RASA3: variants seen among roughly 807,000 people sequenced by gnomAD.
The protein encoded by RASA3 is RAS p21 protein activator 3, also known as ras GTPase-activating protein 3.
A neutral mutation model predicts 110.0 loss-of-function variants in RASA3; 73 were observed. The observed-to-expected ratio is 0.66, with a 90% CI of 0.55 to 0.81. RASA3 has a LOEUF of 0.81. Ranked by LOEUF, RASA3 falls within the 30% of genes least tolerant of loss-of-function variation. The pLI is 0.00. For synonymous variants in RASA3, 500 were observed against 451.4 expected, an observed-to-expected ratio of 1.11 and a Z score of -1.37; for missense variants, 976 against 1,113.2, an observed-to-expected ratio of 0.88 and a Z score of 1.75.
intron 1 of RASA3, among the ~76,000 whole-genome samples, chr13:114,127,609 C>T (rs759516587): frequency 2.0e-5 from 3 of 152,196 alleles, no homozygotes; most frequent in Non-Finnish European, 2.9e-5. Flanking sequence ...AGAGAAGAAA[C>T]AGCTCTCCAA....
Position 113,980,134 on chromosome 13 carries a change from TACCTCCTGCCACGTGTGTGCAC to T in RASA3, c.2430-734_2430-713del, listed in dbSNP as rs1328530620. On this transcript the variant is annotated intron_variant, in intron 23 of 23. Transcript: ENST00000334062. ...CGCATGTGTGCACCTCCTCTGTGTGTACCTCCTGCCACGTGTGTGCACACCTCCTCCCACGTGTGTGCACCTC... is the reference window on the plus strand; with the variant it reads ...CGCATGTGTGCACCTCCTCTGTGTGTACCTCCTCCCACGTGTGTGCACCTC... Among the ~76,000 whole-genome samples the T allele has an allele frequency of 7.7e-3, 1,040 of 134,466 alleles. 15 individuals carry two copies. Among genetic ancestry groups the T allele is most frequent in the African/African-American group, 0.028 (971 of 34,496 alleles). 88.2% of individuals were successfully genotyped at this position (134,466 alleles called of 152,430 possible).
chr13:114,001,801 C>T (rs2053410577), intron 18 of RASA3, among the ~76,000 whole-genome samples: 2 of 152,204 alleles, frequency 1.3e-5, no homozygotes, highest in African/African-American at 2.4e-5. Context: ...AGGCAGCAGA[C>T]GCCCACAAAA....
chr13:113,991,885 C>T (rs867438), intron 22 of RASA3, among the ~76,000 whole-genome samples: 32,589 of 152,190 alleles, frequency 0.21, 3,585 homozygotes, highest in South Asian at 0.32. Flanking sequence ...TGTCCCCACA[C>T]ACACATGCTC....
rs1326742251 is a variant in RASA3, at chr13:114,018,164, T to C, written c.1031A>G (p.His344Arg). The change falls in exon 11 of 24, where the codon CAC becomes CGC. Residue 344 changes from histidine to arginine, a missense_variant. By Grantham distance (29) the His-to-Arg change is conservative (BLOSUM62 0). Transcript: ENST00000334062. The part of the protein sequence containing the change: ...AAVPLVRLFL[H>R]YGRVVPFISA... ...GATGAATGGCACCACCCTGCCATAG[T>C]GTAGGAAGAGCCGCACCAGCGGGAC... The C allele has an allele frequency of 3.2e-6, 5 of 1,550,966 alleles. No individual in the cohort carries two copies. Among genetic ancestry groups the C allele is most frequent in the African/African-American group, 2.7e-5 (2 of 73,196 alleles).
chr13:114,014,749 C>T lies in RASA3; in HGVS notation c.1405+460G>A, dbSNP rs1340152887. On this transcript the variant is annotated intron_variant, in intron 14 of 23. Transcript: ENST00000334062. This position sits in a 1 kb window ranked among gnomAD's most constrained non-coding sequence, Gnocchi z 4.5. Reference sequence around the variant, plus strand: ...CAGGGGTCCTGTCTCTTCGAAGACACGGGCAGGCAGAGCCCCCAACACCAC... The same window carrying T: ...CAGGGGTCCTGTCTCTTCGAAGACATGGGCAGGCAGAGCCCCCAACACCAC... 4.6e-5 allele frequency among the ~76,000 whole-genome samples: 7 copies of T among 152,050 alleles called. No homozygotes were observed. The highest frequency in any genetic ancestry group is 2.1e-4 in the South Asian group (1 of 4,830).
intron 1 of RASA3, among the ~76,000 whole-genome samples, chr13:114,119,769 T>C (rs1003440865): frequency 1.1e-3 from 11 of 9,714 alleles, no homozygotes; most frequent in Admixed American, 2.5e-3. Context: ...AGCGCCCCCC[T>C]CCCCTCTCCA....
At chr13:114,055,275 A>G (rs1051033998) in intron 2 of RASA3, among the ~76,000 whole-genome samples, 1 of 152,256 alleles carries the variant, frequency 6.6e-6, no homozygotes, top group African/African-American at 2.4e-5. Context: ...TTGGGTGCAC[A>G]TGTACACAAA....
At chr13:114,073,629 T>C in intron 2 of RASA3, 91 bp downstream of exon 2, 1 of 1,058,830 alleles carries the variant, frequency 9.4e-7, no homozygotes, top group East Asian at 2.4e-5. Context: ...TCTCCACACA[T>C]GGGAAAATGG....
At chr13:114,053,211 C>T (rs919069588) in intron 2 of RASA3, among the ~76,000 whole-genome samples, 9 of 152,276 alleles carry the variant, frequency 5.9e-5, no homozygotes, top group Non-Finnish European at 1.2e-4. Context: ...GCTGACTGTG[C>T]TTACAGAGTG....
Position 114,056,692 on chromosome 13 carries a change from A to T in RASA3, c.174-4537T>A, listed in dbSNP as rs1414337510. The T allele has an allele frequency of 1.0e-6, 1 of 980,570 alleles. No homozygotes were observed. Among genetic ancestry groups the T allele is most frequent in the Non-Finnish European group, 1.2e-6 (1 of 825,580 alleles). 60.7% of individuals were successfully genotyped at this position (980,570 alleles called of 1,614,324 possible). On this transcript the variant is annotated intron_variant, in intron 2 of 23. Coordinates refer to ENST00000334062, the MANE Select transcript of RASA3 (RefSeq NM_007368.4). The surrounding 1 kb of genome is among the most constrained non-coding windows in gnomAD (Gnocchi z 5.7). ...GGAAATTGAGGTGCTTAAAATTCAT[A>T]AATAAACCAGAAATCCATTCAATAA...
intron 1 of RASA3, among the ~76,000 whole-genome samples, chr13:114,103,314 G>A (rs912934476): frequency 3.7e-4 from 56 of 152,074 alleles, no homozygotes; most frequent in Non-Finnish European, 1.6e-4. Context: ...CTGGCCCTTC[G>A]GGGTGTCTGG....
rs570167116 is a variant in RASA3, at chr13:114,080,016, C to T, written c.56-6179G>A. Among the ~76,000 whole-genome samples, 11 of 152,304 alleles carry T rather than the reference C, an allele frequency of 7.2e-5. 1 individual carries two copies. In the South Asian group the frequency reaches 1.9e-3, roughly 26 times the overall value. On this transcript the variant is annotated intron_variant, in intron 1 of 23. Coordinates refer to ENST00000334062, the MANE Select transcript of RASA3 (RefSeq NM_007368.4). ...CACAAGTGCCTTCCCGAAGGGCCTG[C>T]GAAGCTGCCAGAAATAGGCAGAACT...
intron 2 of RASA3, among the ~76,000 whole-genome samples, chr13:114,052,999 T>C (rs1407305542): frequency 2.2e-5 from 3 of 136,334 alleles, no homozygotes; most frequent in Admixed American, 7.1e-5. Context: ...TCCTCGCTCC[T>C]GGGGGAGAGA....
chr13:113,999,773 C>A (rs1301716505), intron 19 of RASA3, 106 bp from the exon 20 acceptor site: 6 of 239,004 alleles, frequency 2.5e-5, no homozygotes, highest in Non-Finnish European at 7.8e-6. Flanking sequence ...GGGTCTTTAC[C>A]GGGGGGTCTC....
At chr13:114,001,746 C>T (rs1399699396) in intron 18 of RASA3, among the ~76,000 whole-genome samples, 5 of 152,104 alleles carry the variant, frequency 3.3e-5, no homozygotes, top group Admixed American at 6.5e-5. Flanking sequence ...GGGCAGCAGA[C>T]GCCCATACTC....
chr13:114,070,646 G>A (rs866370808), intron 2 of RASA3, among the ~76,000 whole-genome samples: 4 of 150,218 alleles, frequency 2.7e-5, no homozygotes, highest in Admixed American at 6.6e-5. Flanking sequence ...CGGCGTCCAC[G>A]CTAAACGGCT....
At chr13:114,012,028 T>C (rs2053646217) in intron 15 of RASA3, among the ~76,000 whole-genome samples, 1 of 152,030 alleles carries the variant, frequency 6.6e-6, no homozygotes, top group Non-Finnish European at 1.5e-5. Context: ...CCCAGATCCC[T>C]GTACCCTGAG....
intron 18 of RASA3, among the ~76,000 whole-genome samples, chr13:114,003,109 G>T (rs1289662454): frequency 6.6e-6 from 1 of 152,242 alleles, no homozygotes; most frequent in Admixed American, 6.5e-5. Context: ...CGAGGCCCTA[G>T]GACGGCCCAT....
chr13:114,005,541 C>T (rs1395648741), intron 18 of RASA3, among the ~76,000 whole-genome samples: 1 of 152,092 alleles, frequency 6.6e-6, no homozygotes, highest in African/African-American at 2.4e-5. Context: ...CAGGGCTGTC[C>T]CCTCTGACTC....
Sources: gnomAD v4.1 joint callset for allele counts (sites outside exome capture counted in the v4.1 genomes callset) on GRCh38, gnomAD v4.1.1 for gene constraint, Gnocchi (gnomAD v3.1) non-coding constraint, MANE v1.5 for transcripts, NCBI Gene and HGNC (gene_info 2026-07-23, HGNC 2026-07-21) for gene names.